Variants in AUTS2 observed in about 807,000 individuals in gnomAD.
AUTS2 encodes activator of transcription and developmental regulator AUTS2, also known as autism susceptibility gene 2 protein.
Under a neutral mutation model 112.4 loss-of-function variants are expected in AUTS2, and 17 were observed. The ratio of observed to expected loss-of-function variants is 0.15; its 90% CI spans 0.10 to 0.23. AUTS2 has a LOEUF of 0.23. AUTS2 is among the 10% of genes least tolerant of loss of function. AUTS2 has a pLI of 1.00. For missense variants in AUTS2, 1,510 were observed against 1,701.6 expected (o/e 0.89, Z 1.98); for synonymous variants, 751 against 702.7 (o/e 1.07, Z -1.09).
Position 70,187,230 on chromosome 7 carries a change from A to G in AUTS2, c.660+52659A>G, listed in dbSNP as rs534963263. ...ATTTCATCTGTAACTTTCTGATCTT[A>G]CCGTGGTGGTCACATTTGTTGTAAG... On this transcript the variant is annotated intron_variant, in intron 4 of 18. Coordinates refer to ENST00000342771, the MANE Select transcript of AUTS2 (RefSeq NM_015570.4). Among the ~76,000 whole-genome samples, 6 of 152,302 alleles carry G rather than the reference A, an allele frequency of 3.9e-5. No individual in the cohort carries two copies. In the South Asian group the frequency reaches 1.2e-3, roughly 32 times the overall value.
intron 2 of AUTS2, among the ~76,000 whole-genome samples, chr7:70,101,510 A>T (rs1379717157): frequency 6.6e-6 from 1 of 151,962 alleles, no homozygotes; most frequent in Non-Finnish European, 1.5e-5. Flanking sequence ...GCCTGAACAA[A>T]ACAGTGAAAC....
intron 1 of AUTS2, among the ~76,000 whole-genome samples, chr7:69,820,191 C>T (rs1185428186): frequency 1.3e-5 from 2 of 152,122 alleles, no homozygotes; most frequent in East Asian, 3.9e-4. Flanking sequence ...AAGGGAAGCT[C>T]CATCACACTG....
chr7:70,152,304 A>G (rs2129576377), intron 4 of AUTS2, among the ~76,000 whole-genome samples: 1 of 152,286 alleles, frequency 6.6e-6, no homozygotes, highest in African/African-American at 2.4e-5. Flanking sequence ...TCAGAAACAT[A>G]AAGAAAATTA....
chr7:70,418,103 G>GTGTGTGTGTGTGTC lies in AUTS2; in HGVS notation c.661-17640_661-17639insGTGTCTGTGTGTGT, dbSNP rs1554396536. On this transcript the variant is annotated intron_variant, in intron 4 of 18. Coordinates refer to ENST00000342771, the MANE Select transcript of AUTS2 (RefSeq NM_015570.4). ...TGTGTGTGTGTGTGTGTGTGTGTGT[G>GTGTGTGTGTGTGTC]TGTGTGTGTCTGTGTGTGTAGACGG... Among the ~76,000 whole-genome samples the GTGTGTGTGTGTGTC allele has an allele frequency of 1.2e-4, 18 of 149,120 alleles. No individual in the cohort carries two copies. In the East Asian group the frequency reaches 2.2e-3, roughly 18 times the overall value.
At chr7:69,624,738 C>T (rs969198112) in intron 1 of AUTS2, among the ~76,000 whole-genome samples, 2 of 152,216 alleles carry the variant, frequency 1.3e-5, no homozygotes, top group Non-Finnish European at 2.9e-5. Flanking sequence ...AAACAGGTGA[C>T]AAGACTCCAA....
rs61068581 is a variant in AUTS2 at position 70,245,119 on chromosome 7, CAA to C, written c.660+110561_660+110562del. On this transcript the variant is annotated intron_variant, in intron 4 of 18. Transcript: ENST00000342771. ...TGGGTGACAGAGTGAGATCCTGCCT[CAA>C]AAAAAAAAAAAAGTGTGTGTGTGTA... 1.8e-3 allele frequency among the ~76,000 whole-genome samples: 118 copies of C among 64,986 alleles called. 1 individual carries two copies. The highest frequency in any genetic ancestry group is 7.8e-3 in the African/African-American group (107 of 13,648). 42.6% of individuals were successfully genotyped at this position (64,986 alleles called of 152,430 possible).
intron 4 of AUTS2, among the ~76,000 whole-genome samples, chr7:70,343,081 A>G (rs900220743): frequency 2.0e-5 from 3 of 152,250 alleles, no homozygotes; most frequent in African/African-American, 4.8e-5. Context: ...AAGTATTTGC[A>G]AATGGCTTCA....
chr7:70,436,456 G>A (rs1408689914), intron 5 of AUTS2: 1 of 152,250 alleles, frequency 6.6e-6, no homozygotes, highest in Non-Finnish European at 1.5e-5. Context: ...TCGGTAAAGT[G>A]AGCTTTCTGC....
At chr7:69,752,009 A>G (rs1421414501) in intron 1 of AUTS2, among the ~76,000 whole-genome samples, 1 of 152,172 alleles carries the variant, frequency 6.6e-6, no homozygotes, top group African/African-American at 2.4e-5. Context: ...ATTATCACAG[A>G]TGGTGATTTG....
At chr7:70,670,097 TGCCTGGTCTCTGTA>T (rs1807559585) in intron 5 of AUTS2, among the ~76,000 whole-genome samples, 1 of 152,228 alleles carries the variant, frequency 6.6e-6, no homozygotes, top group Non-Finnish European at 1.5e-5. Flanking sequence ...CGCTACACGC[TGCCTGGTCTCTGTA>T]GACTGTTACT....
At position 70,088,405 on chromosome 7, in the gene AUTS2, G is replaced by A. The variant is rs187522984; in HGVS notation, c.523-29727G>A. Among the ~76,000 whole-genome samples, 14 of 152,192 alleles carry A rather than the reference G, an allele frequency of 9.2e-5. No individual in the cohort carries two copies. In the East Asian group the frequency reaches 2.5e-3, roughly 27 times the overall value. On this transcript the variant is annotated intron_variant, in intron 2 of 18. Transcript: ENST00000342771. ...GCCTCCCAAAGTGCTGGGATTACAG[G>A]CATGAGCCACCGTGCCTGGCCACAG...
At chr7:70,218,441 A>AC (rs1811287819) in intron 4 of AUTS2, among the ~76,000 whole-genome samples, 3 of 152,136 alleles carry the variant, frequency 2.0e-5, no homozygotes. Flanking sequence ...ATGCTGGGGC[A>AC]CAGTAAGATG....
At chr7:70,028,472 A>T (rs1800626310) in intron 2 of AUTS2, among the ~76,000 whole-genome samples, 1 of 152,168 alleles carries the variant, frequency 6.6e-6, no homozygotes, top group African/African-American at 2.4e-5. Context: ...TATTAAATGA[A>T]GCCTCAGCTC....
At chr7:69,747,601 G>A (rs189704274) in intron 1 of AUTS2, among the ~76,000 whole-genome samples, 6 of 152,258 alleles carry the variant, frequency 3.9e-5, no homozygotes, top group East Asian at 3.9e-4. Context: ...TCATGATCAC[G>A]CAACTAGAAG....
intron 5 of AUTS2, among the ~76,000 whole-genome samples, chr7:70,692,119 C>T (rs903460474): frequency 7.9e-5 from 12 of 152,102 alleles, no homozygotes; most frequent in Non-Finnish European, 1.3e-4. Flanking sequence ...CCACCTGCCT[C>T]GGCCTCCCAA....
chr7:70,359,572 G>T (rs558415746), intron 4 of AUTS2, among the ~76,000 whole-genome samples: 11 of 152,232 alleles, frequency 7.2e-5, no homozygotes, highest in Admixed American at 3.9e-4. Flanking sequence ...AAACCCAAGG[G>T]GCGCCCTTGC....
chr7:70,587,899 C>T (rs553909821), intron 5 of AUTS2, among the ~76,000 whole-genome samples: 63 of 152,310 alleles, frequency 4.1e-4, no homozygotes, highest in African/African-American at 1.5e-3. Context: ...AAAGTCCACC[C>T]ATCTACCAGG....
At position 69,626,825 on chromosome 7, in the gene AUTS2, C is replaced by T. The variant is rs138710285; in HGVS notation, c.309+26863C>T. ...AAAAATTCTGCTTAAAAAATTTCCA[C>T]GAGACTGAAGTATTAAAAAGGTCTT... is the stretch of plus-strand genomic sequence containing the variant. On this transcript the variant is annotated intron_variant, in intron 1 of 18. Coordinates refer to ENST00000342771, the MANE Select transcript of AUTS2 (RefSeq NM_015570.4). Among the ~76,000 whole-genome samples the T allele has an allele frequency of 4.6e-3, 695 of 152,242 alleles. 5 individuals are homozygous for T. The highest frequency in any genetic ancestry group is 7.4e-3 in the Non-Finnish European group (500 of 68,016).
At chr7:70,692,117 C>G (rs1220308181) in intron 5 of AUTS2, among the ~76,000 whole-genome samples, 1 of 152,134 alleles carries the variant, frequency 6.6e-6, no homozygotes, top group Non-Finnish European at 1.5e-5. Flanking sequence ...ATCCACCTGC[C>G]TCGGCCTCCC....
Sources: gnomAD v4.1 joint callset for allele counts (sites outside exome capture counted in the v4.1 genomes callset) on GRCh38, gnomAD v4.1.1 for gene constraint, MANE v1.5 for transcripts, NCBI Gene and HGNC (gene_info 2026-07-23, HGNC 2026-07-21) for gene names.